ACP6: variants seen among roughly 807,000 people sequenced by gnomAD.
The protein encoded by ACP6 is lysophosphatidic acid phosphatase type 6.
Under a neutral mutation model 48.1 loss-of-function variants are expected in ACP6, and 48 were observed. The ratio of observed to expected loss-of-function variants is 1.00; its 90% confidence interval spans 0.79 to 1.27. The LOEUF is 1.27. Ranked by LOEUF, ACP6 falls within the 50% of genes most tolerant of loss-of-function variation. The pLI is 0.00. For synonymous variants in ACP6, 172 were observed against 204.2 expected (o/e 0.84, Z 1.34); for missense variants, 485 against 529.1 (o/e 0.92, Z 0.82).
rs1348716223 is a variant in ACP6, at chr1:147,659,668, T to C, written c.327A>G (p.Gln109=). 1 of 1,614,084 alleles carries C rather than the reference T, an allele frequency of 6.2e-7. No individual in the cohort carries two copies. The highest frequency in any genetic ancestry group is 8.5e-7 in the Non-Finnish European group (1 of 1,180,034). The change falls in exon 2 of 10, where the codon CAA becomes CAG. Residue 109 remains glutamine, a synonymous_variant. Transcript: ENST00000583509. ...TCACCTTCAGGGTGGTCTCATGGTA[T>C]TGAGAGTCGTAAGGAGAATATGGTT... The part of the protein sequence containing the change: ...GPKPYSPYDS[Q]YHETTLKGGM...
intron 1 of ACP6, among the ~76,000 whole-genome samples, chr1:147,667,274 G>A (rs1660844106): frequency 6.6e-6 from 1 of 152,086 alleles, no homozygotes; most frequent in African/African-American, 2.4e-5. Context: ...GTAGAGTGCA[G>A]TGACCCAATC....
downstream of ACP6, among the ~76,000 whole-genome samples, chr1:147,640,075 G>T (rs922129270): frequency 6.6e-6 from 1 of 152,088 alleles, no homozygotes; most frequent in South Asian, 2.1e-4. Context: ...AGAAGATGCA[G>T]GTTCAAAACT....
At chr1:147,640,649 T>C (rs1291881457), downstream of ACP6, among the ~76,000 whole-genome samples, 1 of 152,126 alleles carries the variant, frequency 6.6e-6, no homozygotes, top group Non-Finnish European at 1.5e-5. Context: ...AGGTAGTAGG[T>C]ACAGGGCAGG....
chr1:147,630,574 C>T (rs1659139645), exon 6 of ACP6: 1 of 152,228 alleles, frequency 6.6e-6, no homozygotes, highest in African/African-American at 2.4e-5. Context: ...CCTGGAGACT[C>T]CTGCCCATCC....
At chr1:147,629,985 T>C (rs587681721) in exon 6 of ACP6, 1 of 152,228 alleles carries the variant, frequency 6.6e-6, no homozygotes, top group Admixed American at 6.5e-5. Context: ...AAAGAGAAAA[T>C]AAACAGAAGA....
At chr1:147,637,670 C>G (rs149093731), downstream of ACP6, among the ~76,000 whole-genome samples, 91 of 152,336 alleles carry the variant, frequency 6.0e-4, no homozygotes, top group Non-Finnish European at 1.1e-3. Context: ...TGGATTCACA[C>G]TGAACAAATC....
chr1:147,666,987 T>G (rs779167516), intron 1 of ACP6, among the ~76,000 whole-genome samples: 1 of 152,126 alleles, frequency 6.6e-6, no homozygotes, highest in Non-Finnish European at 1.5e-5. Flanking sequence ...TTATAAAAAC[T>G]GAGGAATCTC....
intron 4 of ACP6, among the ~76,000 whole-genome samples, chr1:147,655,893 A>G (rs1285517289): frequency 1.3e-5 from 2 of 152,058 alleles, no homozygotes; most frequent in African/African-American, 2.4e-5. Context: ...TCAATGCCCA[A>G]AGAAAGTGTC....
At position 147,670,188 on chromosome 1, in the gene ACP6, AC is replaced by A. The variant is rs1249393730; in HGVS notation, c.-141del. 2.2e-5 allele frequency: 17 copies of A among 761,426 alleles called. No homozygotes were observed. In the African/African-American group the frequency reaches 2.6e-4, roughly 12 times the overall value. The allele number at this position is 761,426 out of a possible 1,614,324, so 47.2% of individuals were successfully genotyped here. On this transcript the variant is annotated 5_prime_UTR_variant, in exon 1 of 10. Transcript: ENST00000583509. The stretch of plus-strand genomic sequence containing the variant: ...ACATCCAGCCCTTCAGCAAGCAGGG[AC>A]CGCTGTGCCTCCCGGCCCTGAGGGA...
Position 147,654,331 on chromosome 1 carries a change from C to A in ACP6, c.648-5G>T. On this transcript the variant is annotated splice_polypyrimidine_tract_variant and splice_region_variant and intron_variant, in intron 5 of 9. Transcript: ENST00000583509. ...GAGGCAGTCTGCCTCCGGCCTCTGA[C>A]AAAAAATAAAAAGTAAAGCCTTATA... 6.2e-7 allele frequency: 1 copy of A among 1,612,238 alleles called. No individual in the cohort carries two copies. Among genetic ancestry groups the A allele is most frequent in the Non-Finnish European group, 8.5e-7 (1 of 1,179,502 alleles).
chr1:147,652,834 T>C (rs1000667205), intron 6 of ACP6, among the ~76,000 whole-genome samples: 2 of 98 alleles, frequency 0.02, no homozygotes, highest in African/African-American at 0.11. Context: ...TGTTGTTTTT[T>C]TGGTTTTTTT....
intron 5 of ACP6, among the ~76,000 whole-genome samples, chr1:147,631,738 C>G (rs1232825999): frequency 6.6e-6 from 1 of 152,076 alleles, no homozygotes; most frequent in Non-Finnish European, 1.5e-5. Flanking sequence ...CGCTTGAACC[C>G]AGGAGGCGGA....
At chr1:147,638,564 C>T (rs964579164), downstream of ACP6, among the ~76,000 whole-genome samples, 3 of 152,076 alleles carry the variant, frequency 2.0e-5, no homozygotes, top group Admixed American at 6.5e-5. Flanking sequence ...TGAGATCTAG[C>T]GGGAGAGCAA....
At chr1:147,639,534 T>C (rs587699257), downstream of ACP6, among the ~76,000 whole-genome samples, 1 of 152,226 alleles carries the variant, frequency 6.6e-6, no homozygotes, top group East Asian at 1.9e-4. Context: ...TCCCCTTAAT[T>C]ACACACTCAA....
chr1:147,632,353 C>T (rs1659192513), intron 5 of ACP6, among the ~76,000 whole-genome samples: 1 of 152,108 alleles, frequency 6.6e-6, no homozygotes, highest in South Asian at 2.1e-4. Flanking sequence ...GGCATAGTGT[C>T]TGCACTCTAT....
intron 3 of ACP6, 110 bp from the exon 4 acceptor site, chr1:147,659,149 C>A (rs587723124): frequency 8.8e-7 from 1 of 1,135,906 alleles, no homozygotes; most frequent in African/African-American, 1.6e-5. Flanking sequence ...ATAAGGAGAG[C>A]TATGGAACTA....
At chr1:147,667,299 C>T (rs899998231) in intron 1 of ACP6, among the ~76,000 whole-genome samples, 1 of 152,090 alleles carries the variant, frequency 6.6e-6, no homozygotes, top group African/African-American at 2.4e-5. Context: ...CTCACTGCAA[C>T]CTCCGCCTCC....
intron 1 of ACP6, among the ~76,000 whole-genome samples, chr1:147,669,220 G>A (rs782559832): frequency 2.0e-5 from 3 of 151,632 alleles, no homozygotes; most frequent in African/African-American, 7.3e-5. Flanking sequence ...CCCACTATAG[G>A]TTTAGTAACC....
chr1:147,659,614 T>C (rs781853419), intron 2 of ACP6, 33 bp downstream of exon 2: 29 of 1,613,618 alleles, frequency 1.8e-5, no homozygotes, highest in Non-Finnish European at 2.3e-5. Flanking sequence ...ACCTTTGCAG[T>C]GGGGCTCCCC....
Sources: gnomAD v4.1 joint callset for allele counts (sites outside exome capture counted in the v4.1 genomes callset) on GRCh38, gnomAD v4.1.1 for gene constraint, MANE v1.5 for transcripts, NCBI Gene and HGNC (gene_info 2026-07-23, HGNC 2026-07-21) for gene names.